NUP54: variants seen among roughly 807,000 people sequenced by gnomAD.
NUP54 encodes nucleoporin p54.
A neutral mutation model predicts 66.4 loss-of-function variants in NUP54; 27 were observed. The observed-to-expected ratio is 0.41, with a 90% CI of 0.30 to 0.56. NUP54 has a LOEUF of 0.56. NUP54 is among the 20% of genes least tolerant of loss of function. The pLI is 0.34. For missense variants in NUP54, 486 were observed against 596.3 expected (o/e 0.82, Z 1.93); for synonymous variants, 206 against 210.7 (o/e 0.98, Z 0.19).
At chr4:76,121,678 G>A (rs1730244576) in intron 9 of NUP54, among the ~76,000 whole-genome samples, 1 of 151,884 alleles carries the variant, frequency 6.6e-6, no homozygotes, top group South Asian at 2.1e-4. Flanking sequence ...TTGTAAAGTG[G>A]GTATTAAGTA....
chr4:76,144,231 CGTT>C lies in NUP54; in HGVS notation c.210_212del (p.Thr71del), dbSNP rs777832525. ...CAGTACCTAAACCAGTACTAGTTCC[CGTT>C]GTTGTGCCAAAACCAGTACCAAATC... On this transcript the variant is annotated inframe_deletion, in exon 3 of 12. Coordinates refer to ENST00000264883, the MANE Select transcript of NUP54 (RefSeq NM_017426.4). 1.9e-6 allele frequency: 3 copies of C among 1,613,520 alleles called. No homozygotes were observed. The highest frequency in any genetic ancestry group is 1.7e-5 in the Admixed American group (1 of 60,000).
In NUP54 at chr4:76,148,355, G is replaced by T; in HGVS notation, c.20C>A (p.Ala7Asp). 1.3e-6 allele frequency: 2 copies of T among 1,546,558 alleles called. No individual in the cohort carries two copies. The highest frequency in any genetic ancestry group is 1.7e-6 in the Non-Finnish European group (2 of 1,147,358). Reference sequence around the variant, plus strand: ...AGCGGTACCGGAGGTGCCCGAGGGAGCCCCAAAATTGAAGGCCATGTCGCG... The same window carrying T: ...AGCGGTACCGGAGGTGCCCGAGGGATCCCCAAAATTGAAGGCCATGTCGCG... MAFNFG[A>D]PSGTSGTAAA... is the part of the protein sequence containing the mutation. The change falls in exon 1 of 12, where the codon GCT becomes GAT. Residue 7 changes from alanine (A) to aspartate (D), a missense_variant. Ala to Asp is a moderately radical substitution (Grantham distance 126). This residue lies in a region of NUP54 where 145 missense variants were observed against 137.1 expected (regional missense o/e 1.06). Coordinates refer to ENST00000264883, the MANE Select transcript of NUP54 (RefSeq NM_017426.4).
chr4:76,142,939 C>T (rs1731323702), intron 3 of NUP54, among the ~76,000 whole-genome samples: 1 of 152,026 alleles, frequency 6.6e-6, no homozygotes, highest in Admixed American at 6.6e-5. Context: ...AAAGAATCAA[C>T]CAAACAGATG....
chr4:76,137,310 T>C (rs901803377), intron 3 of NUP54, among the ~76,000 whole-genome samples: 9 of 152,122 alleles, frequency 5.9e-5, no homozygotes, highest in African/African-American at 2.2e-4. Flanking sequence ...AATGATGTTA[T>C]CCAAATTAAT....
intron 3 of NUP54, 151 bp downstream of exon 3, chr4:76,143,998 T>G: frequency 1.3e-6 from 1 of 762,044 alleles, no homozygotes; most frequent in East Asian, 2.7e-5. Context: ...CCAGTTGCTA[T>G]CATATTTAAA....
intron 5 of NUP54, among the ~76,000 whole-genome samples, chr4:76,133,643 C>A (rs1730911203): frequency 6.6e-6 from 1 of 152,130 alleles, no homozygotes; most frequent in East Asian, 1.9e-4. Flanking sequence ...TGCTTAGTTG[C>A]AAAATCCTAT....
chr4:76,124,863 T>C, intron 8 of NUP54, 107 bp from the exon 9 acceptor site: 1 of 531,556 alleles, frequency 1.9e-6, no homozygotes, highest in Non-Finnish European at 3.3e-6. Context: ...GAGATTCATC[T>C]CTCAAAATAT....
In NUP54 at chr4:76,134,305, C is replaced by T. The variant is rs1449644775; in HGVS notation, c.580G>A (p.Val194Ile). The change falls in exon 5 of 12, where the codon GTT becomes ATT. Residue 194 changes from valine (V) to isoleucine (I), a missense_variant. By Grantham distance (29) the Val-to-Ile change is conservative (BLOSUM62 3). Coordinates refer to ENST00000264883, the MANE Select transcript of NUP54 (RefSeq NM_017426.4). Reference protein sequence around the residue: ...NKDEDGLVVLVFNKKETEIRS... With the variant: ...NKDEDGLVVLIFNKKETEIRS... ...ATCTCTGTTTCTTTTTTGTTGAAAA[C>T]TAAAACCACTAGCCCATCTTCATCT... The T allele has an allele frequency of 1.9e-6, 3 of 1,613,666 alleles. No homozygotes were observed. Among genetic ancestry groups the T allele is most frequent in the Non-Finnish European group, 2.5e-6 (3 of 1,179,908 alleles).
At position 76,127,195 on chromosome 4, in the gene NUP54, G is replaced by A. The variant is rs569716421; in HGVS notation, c.1057-2439C>T. Among the ~76,000 whole-genome samples, 312 of 152,250 alleles carry A rather than the reference G, an allele frequency of 2.0e-3. 2 individuals are homozygous for A. The highest frequency in any genetic ancestry group is 7.2e-4 in the Non-Finnish European group (49 of 68,014). On this transcript the variant is annotated intron_variant, in intron 8 of 11. Coordinates refer to ENST00000264883, the MANE Select transcript of NUP54 (RefSeq NM_017426.4). ...CGCCTGTAATCCCAGCACTTTGGGA[G>A]GCCAAGACGGGTGGATCACGAGGTC...
intron 3 of NUP54, 46 bp downstream of exon 3, chr4:76,144,103 A>G (rs766400880): frequency 1.2e-5 from 19 of 1,591,934 alleles, no homozygotes; most frequent in East Asian, 2.2e-5. Context: ...AATGTCAGCT[A>G]GTATCATCAC....
intron 3 of NUP54, among the ~76,000 whole-genome samples, chr4:76,136,885 A>G (rs561093390): frequency 6.6e-6 from 1 of 152,212 alleles, no homozygotes; most frequent in African/African-American, 2.4e-5. Context: ...AAACTATAAA[A>G]TAATAAAATT....
At chr4:76,115,858 T>G (rs4859425) in intron 11 of NUP54, among the ~76,000 whole-genome samples, 23,818 of 152,180 alleles carry the variant, frequency 0.16, 2,848 homozygotes, top group African/African-American at 0.33. Context: ...ACTGAGAATA[T>G]TCATGTTTTG....
chr4:76,120,766 T>C (rs1472082578), intron 9 of NUP54, among the ~76,000 whole-genome samples: 5 of 152,198 alleles, frequency 3.3e-5, no homozygotes, highest in African/African-American at 1.2e-4. Context: ...ATTCCCAGAT[T>C]CCTAGTAAAT....
At chr4:76,146,154 A>G (rs1411438714) in intron 1 of NUP54, 1 of 443,702 alleles carries the variant, frequency 2.3e-6, no homozygotes, top group East Asian at 7.1e-5. Flanking sequence ...AATAAAAAGT[A>G]AACAAGAAAG....
intron 8 of NUP54, among the ~76,000 whole-genome samples, chr4:76,127,991 C>T (rs1321583706): frequency 6.6e-6 from 1 of 152,044 alleles, no homozygotes; most frequent in Non-Finnish European, 1.5e-5. Flanking sequence ...ATTTAAAGTA[C>T]CAATAAACTT....
At chr4:76,123,514 T>C (rs1560677019) in intron 9 of NUP54, among the ~76,000 whole-genome samples, 1 of 152,150 alleles carries the variant, frequency 6.6e-6, no homozygotes, top group Non-Finnish European at 1.5e-5. Context: ...TCTTCTTTTT[T>C]TTTTCTCCTT....
chr4:76,144,545 AT>A, intron 1 of NUP54, 72 bp from the exon 2 acceptor site: 3 of 1,053,390 alleles, frequency 2.8e-6, no homozygotes, highest in Non-Finnish European at 4.0e-6. Flanking sequence ...TTTTAAAATT[AT>A]TTTATAATTG....
rs1731036170 is a variant in NUP54 at position 76,136,297 on chromosome 4, A to G, written c.411T>C (p.Ile137=). 2 of 1,614,128 alleles carry G rather than the reference A, an allele frequency of 1.2e-6. No individual in the cohort carries two copies. The highest frequency in any genetic ancestry group is 4.5e-5 in the East Asian group (2 of 44,872). Residue 137 remains isoleucine, a synonymous_variant, in exon 4 of 12, where the codon ATT becomes ATC. Coordinates refer to ENST00000264883, the MANE Select transcript of NUP54 (RefSeq NM_017426.4). ...PTLLGDERDA[I]LAKWNQLQAF... ...CCTGCAGTTGATTCCATTTTGCCAA[A>G]ATAGCATCTCTCTCATCTCCCAACA...
chr4:76,141,162 G>GAT (rs1731254948), intron 3 of NUP54, among the ~76,000 whole-genome samples: 2 of 152,238 alleles, frequency 1.3e-5, no homozygotes, highest in Admixed American at 6.5e-5. Flanking sequence ...GGAATACATG[G>GAT]ACGGGCATCT....
Sources: allele counts gnomAD v4.1 joint callset (sites outside exome capture counted in the v4.1 genomes callset), GRCh38; gene constraint gnomAD v4.1.1; regional missense constraint gnomAD v4.1.1; transcripts MANE v1.5; gene names NCBI Gene and HGNC (gene_info 2026-07-23, HGNC 2026-07-21).